Variants in GAS2 observed in about 807,000 individuals in gnomAD.
GAS2 encodes growth arrest-specific protein 2.
In GAS2, 20 loss-of-function variants were observed where a neutral mutation model predicts 37.5. The observed-to-expected ratio is 0.53, with a 90% CI of 0.37 to 0.77. The LOEUF (loss-of-function observed/expected upper bound fraction) is 0.77. GAS2 is among the 30% of genes least tolerant of loss of function. GAS2 has a pLI of 0.00. For synonymous variants in GAS2, 144 were observed against 132.2 expected (o/e 1.09, Z -0.61); for missense variants, 336 against 373.4 (o/e 0.90, Z 0.82).
At chr11:22,626,600 C>G (rs1408350047) in intron 1 of GAS2, 1 of 152,234 alleles carries the variant, frequency 6.6e-6, no homozygotes, top group East Asian at 1.9e-4. Context: ...CTATGTCGCT[C>G]ACTGATGCAC....
In GAS2 at chr11:22,786,953, A is replaced by G. The variant is rs182893729; in HGVS notation, c.724-24845A>G. On this transcript the variant is annotated intron_variant, in intron 7 of 7. Transcript: ENST00000454584. ...GGATAACTTCTAGAAAACTACCTCC[A>G]TAAGAAATTCTGATTTCATTTGTCT... Among the ~76,000 whole-genome samples the G allele has an allele frequency of 2.0e-5, 3 of 152,318 alleles. No individual in the cohort carries two copies. In the East Asian group the frequency reaches 5.8e-4, roughly 29 times the overall value.
intron 7 of GAS2, among the ~76,000 whole-genome samples, chr11:22,766,077 C>T (rs1230021103): frequency 6.6e-6 from 1 of 152,200 alleles, no homozygotes; most frequent in Non-Finnish European, 1.5e-5. Flanking sequence ...GAGGTATCTG[C>T]CCTCATCATC....
intron 7 of GAS2, among the ~76,000 whole-genome samples, chr11:22,790,006 T>G (rs1856064358): frequency 6.6e-6 from 1 of 152,192 alleles, no homozygotes; most frequent in African/African-American, 2.4e-5. Flanking sequence ...ACAACATATT[T>G]GGTAAGCACA....
chr11:22,663,233 A>G (rs1848935296), upstream of GAS2, among the ~76,000 whole-genome samples: 1 of 152,098 alleles, frequency 6.6e-6, no homozygotes, highest in East Asian at 1.9e-4. Flanking sequence ...CCCTCTCTCA[A>G]CATTTGGGGA....
intron 1 of GAS2, among the ~76,000 whole-genome samples, chr11:22,670,617 T>C (rs747656293): frequency 6.6e-6 from 1 of 152,142 alleles, no homozygotes; most frequent in Non-Finnish European, 1.5e-5. Context: ...TCTATTTTGC[T>C]AATAAAAAAC....
intron 7 of GAS2, among the ~76,000 whole-genome samples, chr11:22,783,900 C>T (rs1054770452): frequency 1.1e-4 from 16 of 152,138 alleles, no homozygotes; most frequent in African/African-American, 3.4e-4. Context: ...ATTGAATTAG[C>T]GTCTTTTCCC....
intron 3 of GAS2, among the ~76,000 whole-genome samples, chr11:22,715,891 A>T (rs916153424): frequency 6.6e-6 from 1 of 152,116 alleles, no homozygotes; most frequent in African/African-American, 2.4e-5. Context: ...AACATAACAA[A>T]AAAAAAGAAA....
chr11:22,789,302 A>AT (rs1400658521), intron 7 of GAS2, among the ~76,000 whole-genome samples: 1 of 93,494 alleles, frequency 1.1e-5, no homozygotes, highest in Non-Finnish European at 2.0e-5. Flanking sequence ...ATATATATAT[A>AT]TACACACACA....
chr11:22,646,821 C>T (rs2133824747), intron 1 of GAS2, among the ~76,000 whole-genome samples: 1 of 151,414 alleles, frequency 6.6e-6, no homozygotes, highest in East Asian at 1.9e-4. Flanking sequence ...TCTCTCCCTC[C>T]CTCCCTCCAT....
chr11:22,728,161 G>T (rs1180277960), intron 4 of GAS2, among the ~76,000 whole-genome samples: 2 of 151,872 alleles, frequency 1.3e-5, no homozygotes, highest in Admixed American at 1.3e-4. Context: ...GTTAATAAAA[G>T]CTATGAATGT....
At chr11:22,736,139 C>A (rs942270696) in intron 4 of GAS2, among the ~76,000 whole-genome samples, 2 of 151,914 alleles carry the variant, frequency 1.3e-5, no homozygotes, top group African/African-American at 4.8e-5. Flanking sequence ...GGCATTACAG[C>A]CCTTATGTTA....
chr11:22,804,354 A>G (rs1856797503), intron 7 of GAS2, among the ~76,000 whole-genome samples: 1 of 152,146 alleles, frequency 6.6e-6, no homozygotes, highest in South Asian at 2.1e-4. Context: ...GTAGTCAAGA[A>G]GTGGGGAGTT....
chr11:22,712,621 T>C (rs543436468), intron 3 of GAS2, among the ~76,000 whole-genome samples: 1 of 152,308 alleles, frequency 6.6e-6, no homozygotes, highest in East Asian at 1.9e-4. Flanking sequence ...AAAGTAATTC[T>C]GGTAATATGA....
chr11:22,776,636 G>GTTAC (rs879747421), intron 7 of GAS2, among the ~76,000 whole-genome samples: 1 of 152,128 alleles, frequency 6.6e-6, no homozygotes, highest in Admixed American at 6.5e-5. Context: ...AGAAAATTAA[G>GTTAC]TTACATATTA....
At chr11:22,715,535 A>G (rs1205003580) in intron 3 of GAS2, among the ~76,000 whole-genome samples, 1 of 151,642 alleles carries the variant, frequency 6.6e-6, no homozygotes, top group African/African-American at 2.4e-5. Context: ...GATAACACAG[A>G]AATACGAAAG....
chr11:22,702,293 G>T (rs1463599683), intron 3 of GAS2: 1 of 152,136 alleles, frequency 6.6e-6, no homozygotes, highest in East Asian at 1.9e-4. Context: ...TAACTCTTGA[G>T]GTGGGTGGCA....
At chr11:22,769,817 T>C (rs1854881919) in intron 7 of GAS2, among the ~76,000 whole-genome samples, 1 of 152,228 alleles carries the variant, frequency 6.6e-6, no homozygotes, top group Admixed American at 6.5e-5. Context: ...ATAAATTACA[T>C]TTTTTAATTA....
In GAS2 at chr11:22,799,158, T is replaced by C. The variant is rs138305243; in HGVS notation, c.724-12640T>C. Among the ~76,000 whole-genome samples, 23 of 152,122 alleles carry C rather than the reference T, an allele frequency of 1.5e-4. 1 individual carries two copies. The East Asian group carries it at 4.5e-3, about 29-fold the overall frequency. On this transcript the variant is annotated intron_variant, in intron 7 of 7. Transcript: ENST00000454584. The stretch of plus-strand genomic sequence containing the variant: ...ACTAGGCAGTTGGTGTCAGATACCA[T>C]TGCCTCTTAAAAGGATGACTTCAGT...
At chr11:22,795,876 G>C (rs1003463812) in intron 7 of GAS2, among the ~76,000 whole-genome samples, 1 of 152,026 alleles carries the variant, frequency 6.6e-6, no homozygotes, top group Non-Finnish European at 1.5e-5. Context: ...AAATAATCTG[G>C]GTGAGATCAA....
Sources: allele counts gnomAD v4.1 joint callset (sites outside exome capture counted in the v4.1 genomes callset), GRCh38; gene constraint gnomAD v4.1.1; transcripts MANE v1.5; gene names NCBI Gene and HGNC (gene_info 2026-07-23, HGNC 2026-07-21).